The following FCGR1A variants were observed in gnomAD, a reference collection of about 807,000 sequenced individuals.
FCGR1A encodes Fc gamma receptor Ia, also known as high affinity immunoglobulin gamma Fc receptor I.
A neutral mutation model predicts 35.0 loss-of-function variants in FCGR1A; 13 were observed. The observed-to-expected ratio is 0.37, with a 90% CI of 0.24 to 0.59. The LOEUF (loss-of-function observed/expected upper bound fraction) is 0.59, where lower values mean the gene tolerates loss of function less well. Ranked by LOEUF, FCGR1A falls within the 20% of genes least tolerant of loss-of-function variation. FCGR1A has a pLI of 0.71. For missense variants in FCGR1A, 227 were observed against 430.0 expected (o/e 0.53, Z 4.17); for synonymous variants, 91 against 164.7 (o/e 0.55, Z 3.43).
At position 149,782,869 on chromosome 1, in the gene FCGR1A, T is replaced by G. The variant is rs2091456110; in HGVS notation, c.31+95T>G. ...TTCCTGTGGTAACTCTGGGTAGAACTCATGAGTATGAAGCAACTTGTATCT... is the reference window on the plus strand; with the variant it reads ...TTCCTGTGGTAACTCTGGGTAGAACGCATGAGTATGAAGCAACTTGTATCT... On this transcript the variant is annotated intron_variant, in intron 1 of 5. Transcript: ENST00000369168. The G allele has an allele frequency of 3.8e-6, 6 of 1,573,614 alleles. No individual in the cohort carries two copies. In the East Asian group the frequency reaches 1.3e-4, roughly 35 times the overall value.
At chr1:149,786,706 T>C (rs2091560614) in intron 3 of FCGR1A, 1 of 152,144 alleles carries the variant, frequency 6.6e-6, no homozygotes, top group East Asian at 1.9e-4. Flanking sequence ...ATCTCGTGAG[T>C]TTTGATATAT....
chr1:149,799,927 C>T, the FCGR1A span, among the ~76,000 whole-genome samples: 2 of 152,070 alleles, frequency 1.3e-5, no homozygotes, highest in Non-Finnish European at 2.9e-5. Context: ...GCAGTGGACA[C>T]CAGCTGAGTG....
chr1:149,790,014 C>T (rs2091662679), intron 4 of FCGR1A, 40 bp from the exon 5 acceptor site: 1 of 1,611,978 alleles, frequency 6.2e-7, no homozygotes, highest in Admixed American at 1.7e-5. Flanking sequence ...GACCTGGATG[C>T]TAAACAGGCA....
chr1:149,800,209 G>A, the FCGR1A span, among the ~76,000 whole-genome samples: 1 of 152,210 alleles, frequency 6.6e-6, no homozygotes, highest in East Asian at 1.9e-4. Flanking sequence ...ATGGGGGAAG[G>A]AGCATGGAGC....
Position 149,791,347 on chromosome 1 carries a change from A to C in FCGR1A, c.955A>C (p.Arg319=). 1 of 1,582,086 alleles carries C rather than the reference A, an allele frequency of 6.3e-7. No individual in the cohort carries two copies. The highest frequency in any genetic ancestry group is 8.6e-7 in the Non-Finnish European group (1 of 1,161,328). The change falls in exon 6 of 6, where the codon AGA becomes CGA. Residue 319 remains arginine (R), a synonymous_variant. Coordinates refer to ENST00000369168, the MANE Select transcript of FCGR1A (RefSeq NM_000566.4). ...GGTGACAATACGTAAAGAACTGAAA[A>C]GAAAGAAAAAGTGGGATTTAGAAAT... ...LWVTIRKELK[R]KKKWDLEISL...
chr1:149,799,294 A>G, the FCGR1A span, among the ~76,000 whole-genome samples: 3 of 151,930 alleles, frequency 2.0e-5, no homozygotes, highest in African/African-American at 4.8e-5. Context: ...AGCCCAAATG[A>G]GTTGGATGTA....
At chr1:149,785,386 G>C (rs1161145104) in intron 3 of FCGR1A, among the ~76,000 whole-genome samples, 2 of 148,470 alleles carry the variant, frequency 1.3e-5, no homozygotes, top group Non-Finnish European at 3.0e-5. Flanking sequence ...GGAGAGGTTA[G>C]GGAAGCTGAC....
chr1:149,788,508 T>C lies in FCGR1A; in HGVS notation c.450T>C (p.Asn150=). The C allele has an allele frequency of 5.0e-6, 8 of 1,613,822 alleles. No homozygotes were observed. The highest frequency in any genetic ancestry group is 6.8e-6 in the Non-Finnish European group (8 of 1,179,820). Residue 150 remains asparagine (N), a synonymous_variant, in exon 4 of 6, where the codon AAT becomes AAC. Coordinates refer to ENST00000369168, the MANE Select transcript of FCGR1A (RefSeq NM_000566.4). ...AAGCCTTTAAGTTTTTCCACTGGAA[T>C]TCTAACCTCACCATTCTGAAAACCA... ...NGKAFKFFHW[N]SNLTILKTNI... is the part of the protein sequence containing the mutation.
At chr1:149,788,765 T>C (rs2091619801) in intron 4 of FCGR1A, 148 bp downstream of exon 4, 2 of 807,812 alleles carry the variant, frequency 2.5e-6, no homozygotes, top group East Asian at 2.7e-5. Context: ...CCATGACCAG[T>C]AGCTGGAACC....
At chr1:149,797,481 G>C in the FCGR1A span, among the ~76,000 whole-genome samples, 55 of 152,218 alleles carry the variant, frequency 3.6e-4, no homozygotes, top group African/African-American at 1.0e-3. Flanking sequence ...AGGGAACACG[G>C]TGTTTGGTTT....
Position 149,788,633 on chromosome 1 carries a change from A to C in FCGR1A, c.559+16A>C. On this transcript the variant is annotated intron_variant, in intron 4 of 5. Coordinates refer to ENST00000369168, the MANE Select transcript of FCGR1A (RefSeq NM_000566.4). Reference sequence around the variant, plus strand: ...ACTGTGAAAGGTATTGTATTGGAATAGTCATAGAACTGATAGTCCCTCCCC... The same window carrying C: ...ACTGTGAAAGGTATTGTATTGGAATCGTCATAGAACTGATAGTCCCTCCCC... The C allele has an allele frequency of 6.2e-7, 1 of 1,613,942 alleles. No homozygotes were observed. Among genetic ancestry groups the C allele is most frequent in the South Asian group, 1.1e-5 (1 of 91,060 alleles).
At chr1:149,785,424 T>G (rs2091520702) in intron 3 of FCGR1A, among the ~76,000 whole-genome samples, 3 of 137,174 alleles carry the variant, frequency 2.2e-5, no homozygotes, top group Admixed American at 1.4e-4. Context: ...TTTTTTTTTT[T>G]TTTTTTTTTT....
At chr1:149,797,991 AATT>A in the FCGR1A span, among the ~76,000 whole-genome samples, 1 of 150,118 alleles carries the variant, frequency 6.7e-6, no homozygotes, top group Non-Finnish European at 1.5e-5. Context: ...AAGAAATGGC[AATT>A]CAAGGAGTTA....
At chr1:149,800,176 T>C in the FCGR1A span, among the ~76,000 whole-genome samples, 1 of 152,094 alleles carries the variant, frequency 6.6e-6, no homozygotes, top group Non-Finnish European at 1.5e-5. Flanking sequence ...AAAATACAGA[T>C]GAAAAGATGC....
In FCGR1A at chr1:149,785,417, T is replaced by C. The variant is rs1331175166; in HGVS notation, c.307+1160T>C. On this transcript the variant is annotated intron_variant, in intron 3 of 5. Coordinates refer to ENST00000369168, the MANE Select transcript of FCGR1A (RefSeq NM_000566.4). The stretch of plus-strand genomic sequence containing the variant: ...CTGACAGAGCTGTTTCGTTTTTTTT[T>C]TTTTTTTTTTTTTTTTTGAGACAGA... Among the ~76,000 whole-genome samples the C allele has an allele frequency of 6.6e-4, 88 of 133,512 alleles. 2 individuals carry two copies. The highest frequency in any genetic ancestry group is 2.4e-3 in the African/African-American group (86 of 36,364). 87.6% of individuals were successfully genotyped at this position (133,512 alleles called of 152,430 possible).
At chr1:149,794,153 C>G, downstream of FCGR1A, 1 of 366,248 alleles carries the variant, frequency 2.7e-6, no homozygotes, top group East Asian at 7.3e-5. Context: ...CAGCGGCAGC[C>G]TGGACTAACA....
the FCGR1A span, among the ~76,000 whole-genome samples, chr1:149,797,603 G>A: frequency 2.0e-5 from 3 of 152,044 alleles, no homozygotes; most frequent in African/African-American, 7.3e-5. Flanking sequence ...TCCTTTGTTA[G>A]CGTTTGAGTT....
At chr1:149,786,550 C>T (rs1479030488) in intron 3 of FCGR1A, 1 of 152,144 alleles carries the variant, frequency 6.6e-6, no homozygotes, top group Non-Finnish European at 1.5e-5. Context: ...GACTCTTAGT[C>T]ATTTCAATTT....
intron 4 of FCGR1A, among the ~76,000 whole-genome samples, chr1:149,789,421 G>C (rs12069190): frequency 6.9e-6 from 1 of 144,862 alleles, no homozygotes; most frequent in Non-Finnish European, 1.5e-5. Context: ...TAATAATAAT[G>C]ATGATAATAA....
Sources: gnomAD v4.1 joint callset for allele counts (sites outside exome capture counted in the v4.1 genomes callset) on GRCh38, gnomAD v4.1.1 for gene constraint, MANE v1.5 for transcripts, NCBI Gene and HGNC (gene_info 2026-07-23, HGNC 2026-07-21) for gene names.